Variants in GPC1 observed in about 807,000 individuals in gnomAD.
GPC1 encodes the protein glypican 1.
A neutral mutation model predicts 51.5 loss-of-function variants in GPC1; 26 were observed. That is an observed-to-expected ratio of 0.50 (90% CI 0.37 to 0.70). GPC1 has a LOEUF of 0.70. Among genes scored for constraint, GPC1 ranks in the 30% least tolerant of loss-of-function variants. The pLI is 0.00. For synonymous variants in GPC1, 380 were observed against 348.3 expected (o/e 1.09, Z -1.01); for missense variants, 775 against 800.5 (o/e 0.97, Z 0.38).
rs775437514 is a variant in GPC1 at position 240,462,372 on chromosome 2, C to G, written c.507C>G (p.Arg169=). 6.3e-7 allele frequency: 1 copy of G among 1,592,612 alleles called. No homozygotes were observed. Among genetic ancestry groups the G allele is most frequent in the South Asian group, 1.1e-5 (1 of 88,402 alleles). The change falls in exon 3 of 9, where the codon CGC becomes CGG. Residue 169 remains arginine (R), a synonymous_variant. Coordinates refer to ENST00000264039, the MANE Select transcript of GPC1 (RefSeq NM_002081.3). Reference sequence around the variant, plus strand: ...AGACGCTGGCCGAGTTCTGGGCCCGCCTGCTCGAGCGCCTCTTCAAGCAGC... The same window carrying G: ...AGACGCTGGCCGAGTTCTGGGCCCGGCTGCTCGAGCGCCTCTTCAAGCAGC... The part of the protein sequence containing the change: ...LEETLAEFWA[R]LLERLFKQLH...
intron 1 of GPC1, among the ~76,000 whole-genome samples, chr2:240,439,836 G>A (rs553953522): frequency 2.6e-5 from 4 of 152,296 alleles, no homozygotes; most frequent in East Asian, 1.9e-4. Context: ...TTGCTGTGTC[G>A]CTGCTCTTCC....
At chr2:240,456,101 C>G (rs571159754) in intron 1 of GPC1, 8 of 291,648 alleles carry the variant, frequency 2.7e-5, no homozygotes, top group Non-Finnish European at 5.5e-5. Context: ...CAACGCAGGT[C>G]GCCGGGCCGG....
chr2:240,436,773 C>T (rs558911916), intron 1 of GPC1, among the ~76,000 whole-genome samples: 2 of 152,380 alleles, frequency 1.3e-5, no homozygotes, highest in East Asian at 1.9e-4. Context: ...CCCCGCCTGG[C>T]GCTTGGGCAG....
At chr2:240,445,777 G>C (rs996485576) in intron 1 of GPC1, among the ~76,000 whole-genome samples, 2 of 152,206 alleles carry the variant, frequency 1.3e-5, no homozygotes, top group Non-Finnish European at 2.9e-5. Context: ...TTGGTCACCA[G>C]TAGACGTCGC....
chr2:240,466,306 A>C lies in GPC1; in HGVS notation c.*16A>C, dbSNP rs1368399061. 1 of 1,371,920 alleles carries C rather than the reference A, an allele frequency of 7.3e-7. No individual in the cohort carries two copies. Among genetic ancestry groups the C allele is most frequent in the East Asian group, 2.3e-5 (1 of 43,680 alleles). 85.0% of individuals were successfully genotyped at this position (1,371,920 alleles called of 1,614,324 possible). A position where few individuals can be genotyped will look rare whatever the true frequency, so the allele number is the denominator to read the frequency against. On this transcript the variant is annotated 3_prime_UTR_variant, in exon 9 of 9. Transcript: ENST00000264039. ...GTGGCGGTAACTGCCCCAAGGCCCC[A>C]GGGACAGAGGCCAAGGACTGACTTT... is the stretch of plus-strand genomic sequence containing the variant.
At chr2:240,446,650 C>A (rs536135599) in intron 1 of GPC1, among the ~76,000 whole-genome samples, 1 of 152,196 alleles carries the variant, frequency 6.6e-6, no homozygotes, top group Non-Finnish European at 1.5e-5. Context: ...GTCCTGTCCT[C>A]GGCCTCCCAT....
At chr2:240,450,745 G>T in intron 1 of GPC1, 1 of 469,808 alleles carries the variant, frequency 2.1e-6, no homozygotes, top group South Asian at 1.6e-5. Flanking sequence ...GCCAACACTG[G>T]GCAGATTCCC....
chr2:240,436,208 GC>G lies in GPC1; in HGVS notation c.166+128del, dbSNP rs2073982787. 7.1e-6 allele frequency: 4 copies of G among 562,348 alleles called. No homozygotes were observed. In the South Asian group the frequency reaches 3.6e-4, roughly 50 times the overall value. The allele number at this position is 562,348 out of a possible 1,614,324, so 34.8% of individuals were successfully genotyped here. A position where few individuals can be genotyped will look rare whatever the true frequency, so the allele number is the denominator to read the frequency against. On this transcript the variant is annotated intron_variant, in intron 1 of 8. Coordinates refer to ENST00000264039, the MANE Select transcript of GPC1 (RefSeq NM_002081.3). ...CTGCCGCCTGCGCCCCGCCGCCCGGGCCCCGAATGGCTCCCTGCGCTGCGGC... is the reference window on the plus strand; with the variant it reads ...CTGCCGCCTGCGCCCCGCCGCCCGGGCCCGAATGGCTCCCTGCGCTGCGGC...
chr2:240,437,657 C>T (rs2073992598), intron 1 of GPC1, among the ~76,000 whole-genome samples: 1 of 152,202 alleles, frequency 6.6e-6, no homozygotes, highest in South Asian at 2.1e-4. Context: ...CCTCTACTCA[C>T]ACATAAAGAG....
intron 1 of GPC1, chr2:240,450,016 T>G (rs2074083338): frequency 2.4e-6 from 1 of 422,344 alleles, no homozygotes; most frequent in Admixed American, 2.6e-5. Context: ...CATGGGTGTA[T>G]GAGGAGCTGT....
In GPC1 at chr2:240,448,600, G is replaced by A. The variant is rs998306011; in HGVS notation, c.167-10430G>A. On this transcript the variant is annotated intron_variant, in intron 1 of 8. Transcript: ENST00000264039. The surrounding 1 kb of genome is among the most constrained non-coding windows in gnomAD (Gnocchi z 4.5). ...CCCATTCCCACCTGCTCCAGGACCC[G>A]CAGGGCCCACAGGAGGTCGAGGTCG... Among the ~76,000 whole-genome samples, 1 of 141,322 alleles carries A rather than the reference G, an allele frequency of 7.1e-6. No individual in the cohort carries two copies. The highest frequency in any genetic ancestry group is 1.6e-5 in the Non-Finnish European group (1 of 64,010). 92.7% of individuals were successfully genotyped at this position (141,322 alleles called of 152,430 possible).
chr2:240,463,733 A>T (rs139698154), intron 4 of GPC1: 82 of 570,204 alleles, frequency 1.4e-4, no homozygotes, highest in African/African-American at 1.3e-3. Context: ...CCAGGGAGGG[A>T]GCCCTGTGGG....
In GPC1 at chr2:240,466,646, C is replaced by T. The variant is rs555105933; in HGVS notation, c.*356C>T. 1.3e-5 allele frequency: 3 copies of T among 230,898 alleles called. No individual in the cohort carries two copies. The highest frequency in any genetic ancestry group is 2.5e-5 in the Non-Finnish European group (3 of 119,604). 14.3% of individuals were successfully genotyped at this position (230,898 alleles called of 1,614,324 possible). ...GAGGCCTCAAAGCAACCCGCTGGAGCCCACAGCGAGCCTGTGCCTTCCTCC... is the reference window on the plus strand; with the variant it reads ...GAGGCCTCAAAGCAACCCGCTGGAGTCCACAGCGAGCCTGTGCCTTCCTCC... On this transcript the variant is annotated 3_prime_UTR_variant, in exon 9 of 9. Coordinates refer to ENST00000264039, the MANE Select transcript of GPC1 (RefSeq NM_002081.3).
At chr2:240,462,162 T>C in intron 2 of GPC1, 29 bp from the exon 3 acceptor site, 2 of 1,527,922 alleles carry the variant, frequency 1.3e-6, no homozygotes, top group Non-Finnish European at 1.8e-6. Flanking sequence ...GGAAACATGG[T>C]CCCGATCACG....
At chr2:240,457,959 T>A (rs1169719294) in intron 1 of GPC1, 1 of 447,846 alleles carries the variant, frequency 2.2e-6, no homozygotes, top group South Asian at 1.6e-5. Flanking sequence ...TGCTTCCACC[T>A]CTCCACTGTG....
At position 240,461,597 on chromosome 2, in the gene GPC1, C is replaced by T. The variant is rs1294133547; in HGVS notation, c.326-594C>T. Among the ~76,000 whole-genome samples the T allele has an allele frequency of 2.6e-5, 4 of 152,240 alleles. No homozygotes were observed. The East Asian group carries it at 7.7e-4, about 29-fold the overall frequency. The stretch of plus-strand genomic sequence containing the variant: ...TCTGGGGTTCTAGGCTGCAGGAGGC[C>T]CCCCAGAGCCCTCAGACAGGCCCGG... On this transcript the variant is annotated intron_variant, in intron 2 of 8. Transcript: ENST00000264039.
intron 1 of GPC1, chr2:240,452,977 G>C: frequency 2.8e-6 from 1 of 351,892 alleles, no homozygotes; most frequent in Non-Finnish European, 5.7e-6. Flanking sequence ...CCTGCACCCA[G>C]AGCCCGCGCG....
intron 1 of GPC1, chr2:240,452,407 C>T (rs1245457575): frequency 6.6e-6 from 1 of 152,380 alleles, no homozygotes; most frequent in African/African-American, 2.4e-5. Flanking sequence ...ACCATGGCAG[C>T]TTTGCGTGAG....
chr2:240,456,006 C>T (rs889084835), intron 1 of GPC1: 8 of 429,988 alleles, frequency 1.9e-5, no homozygotes, highest in African/African-American at 4.4e-5. Flanking sequence ...CCCAGGCCGG[C>T]GCCCGAGCTC....
Sources: gnomAD v4.1 joint callset for allele counts (sites outside exome capture counted in the v4.1 genomes callset) on GRCh38, gnomAD v4.1.1 for gene constraint, Gnocchi (gnomAD v3.1) non-coding constraint, MANE v1.5 for transcripts, NCBI Gene and HGNC (gene_info 2026-07-23, HGNC 2026-07-21) for gene names.